The following RGMA variants were observed in gnomAD, a reference collection of about 807,000 sequenced individuals.
RGMA encodes repulsive guidance molecule A.
In RGMA, 10 loss-of-function variants were observed where a neutral mutation model predicts 23.2. The observed-to-expected ratio is 0.43, with a 90% confidence interval of 0.27 to 0.73. The LOEUF (loss-of-function observed/expected upper bound fraction) is 0.73, where lower values mean the gene tolerates loss of function less well. RGMA is among the 30% of genes least tolerant of loss of function. The pLI, the probability that RGMA is intolerant of heterozygous loss-of-function variation, is 0.20. For missense variants in RGMA, 547 were observed against 630.5 expected (o/e 0.87, Z 1.42); for synonymous variants, 308 against 279.3 (o/e 1.10, Z -1.03).
chr15:93,054,408 C>T (rs2141814829), intron 2 of RGMA, among the ~76,000 whole-genome samples: 1 of 152,194 alleles, frequency 6.6e-6, no homozygotes, highest in Non-Finnish European at 1.5e-5. Flanking sequence ...TAATAATCTC[C>T]ACGTGTCAAG....
intron 1 of RGMA, among the ~76,000 whole-genome samples, chr15:93,077,695 C>T (rs775160280): frequency 1.8e-4 from 27 of 152,196 alleles, no homozygotes; most frequent in Non-Finnish European, 3.5e-4. Flanking sequence ...GTAGTTGAGG[C>T]AGCATTTGAG....
At chr15:93,080,511 C>T (rs1041437700) in intron 1 of RGMA, among the ~76,000 whole-genome samples, 1 of 152,188 alleles carries the variant, frequency 6.6e-6, no homozygotes, top group Non-Finnish European at 1.5e-5. Flanking sequence ...TCCCAGCTGC[C>T]AGGCCACCTC....
At chr15:93,066,909 TA>T (rs1243362653) in intron 2 of RGMA, among the ~76,000 whole-genome samples, 1 of 152,252 alleles carries the variant, frequency 6.6e-6, no homozygotes, top group African/African-American at 2.4e-5. Flanking sequence ...TGCAACTGGC[TA>T]TGTGTGCAAT....
At chr15:93,074,514 G>A (rs1425557543) in intron 1 of RGMA, among the ~76,000 whole-genome samples, 1 of 152,218 alleles carries the variant, frequency 6.6e-6, no homozygotes, top group Non-Finnish European at 1.5e-5. Flanking sequence ...GCAACACGAA[G>A]CTGCTCTTCC....
At chr15:93,054,026 T>G (rs2054971564) in intron 2 of RGMA, among the ~76,000 whole-genome samples, 1 of 152,050 alleles carries the variant, frequency 6.6e-6, no homozygotes, top group African/African-American at 2.4e-5. Flanking sequence ...GGTCTGGAGC[T>G]CGAGACCAGC....
rs2054739268 is a variant in RGMA at position 93,042,650 on chromosome 15, C to A, written c.*2348G>T. 1 of 152,278 alleles carries A rather than the reference C, an allele frequency of 6.6e-6. No individual in the cohort carries two copies. The highest frequency in any genetic ancestry group is 1.5e-5 in the Non-Finnish European group (1 of 68,062). 9.4% of individuals were successfully genotyped at this position (152,278 alleles called of 1,614,324 possible). ...AACCTAGGTGCACAGGTTGTCCTTC[C>A]CGTTGCTAAGGAGCCCTAGGCAAGT... On this transcript the variant is annotated 3_prime_UTR_variant, in exon 4 of 4. Coordinates refer to ENST00000329082, the MANE Select transcript of RGMA (RefSeq NM_020211.3).
rs1369570595 is a variant in RGMA, at chr15:93,043,085, G to T, written c.*1913C>A. The T allele has an allele frequency of 2.6e-5, 4 of 152,306 alleles. No individual in the cohort carries two copies. In the East Asian group the frequency reaches 7.7e-4, roughly 29 times the overall value. 9.4% of individuals were successfully genotyped at this position (152,306 alleles called of 1,614,324 possible). A position where few individuals can be genotyped will look rare whatever the true frequency, so the allele number is the denominator to read the frequency against. On this transcript the variant is annotated 3_prime_UTR_variant, in exon 4 of 4. Coordinates refer to ENST00000329082, the MANE Select transcript of RGMA (RefSeq NM_020211.3). The stretch of plus-strand genomic sequence containing the variant: ...ACAGCTCATCGTGAGGAGGAAAAGT[G>T]ACTTTACAAAAGCAATGTGTGGTGG...
chr15:93,038,262 G>A lies in RGMA; in HGVS notation c.*6736C>T, dbSNP rs2054681357. On this transcript the variant is annotated 3_prime_UTR_variant, in exon 4 of 4. Coordinates refer to ENST00000329082, the MANE Select transcript of RGMA (RefSeq NM_020211.3). Reference sequence around the variant, plus strand: ...TCCTGGTTAGAGGGTTTGGGGGGCAGGGGTCTTCCCATTGCAGCAAGCTTC... The same window carrying A: ...TCCTGGTTAGAGGGTTTGGGGGGCAAGGGTCTTCCCATTGCAGCAAGCTTC... 6.6e-6 allele frequency: 1 copy of A among 152,264 alleles called. No individual in the cohort carries two copies. Among genetic ancestry groups the A allele is most frequent in the Non-Finnish European group, 1.5e-5 (1 of 68,086 alleles). 9.4% of individuals were successfully genotyped at this position (152,264 alleles called of 1,614,324 possible). A position where few individuals can be genotyped will look rare whatever the true frequency, so the allele number is the denominator to read the frequency against.
At chr15:93,060,009 A>C (rs1334073493) in intron 2 of RGMA, among the ~76,000 whole-genome samples, 1 of 152,236 alleles carries the variant, frequency 6.6e-6, no homozygotes, top group Non-Finnish European at 1.5e-5. Flanking sequence ...ACACAGAGCC[A>C]GCTGCCCCAC....
Position 93,038,630 on chromosome 15 carries a change from A to G in RGMA, c.*6368T>C, listed in dbSNP as rs1322745392. On this transcript the variant is annotated 3_prime_UTR_variant, in exon 4 of 4. Transcript: ENST00000329082. Reference sequence around the variant, plus strand: ...TCGCCCAGGCTGGAGGCTGGAGTGCAGTGGTGCGATCTCTGCTTGCTGCAA... The same window carrying G: ...TCGCCCAGGCTGGAGGCTGGAGTGCGGTGGTGCGATCTCTGCTTGCTGCAA... 1 of 140,078 alleles carries G rather than the reference A, an allele frequency of 7.1e-6. No individual in the cohort carries two copies. Among genetic ancestry groups the G allele is most frequent in the South Asian group, 2.2e-4 (1 of 4,488 alleles). The allele number at this position is 140,078 out of a possible 1,614,324, so 8.7% of individuals were successfully genotyped here.
At position 93,074,021 on chromosome 15, in the gene RGMA, G is replaced by T; in HGVS notation, c.15-990C>A. 9 of 1,378,576 alleles carry T rather than the reference G, an allele frequency of 6.5e-6. No homozygotes were observed. In the Middle Eastern group the frequency reaches 1.9e-3, roughly 290 times the overall value. The allele number at this position is 1,378,576 out of a possible 1,614,324, so 85.4% of individuals were successfully genotyped here. A position where few individuals can be genotyped will look rare whatever the true frequency, so the allele number is the denominator to read the frequency against. On this transcript the variant is annotated intron_variant, in intron 1 of 3. Transcript: ENST00000329082. ...CCTAACTCTGTCGCTTATTTTTCTG[G>T]GAAAGAAACATCTCCTTCCCAAGGT...
At position 93,041,167 on chromosome 15, in the gene RGMA, ACT is replaced by A. The variant is rs2054719258; in HGVS notation, c.*3829_*3830del. The A allele has an allele frequency of 7.8e-6, 1 of 127,976 alleles. No individual in the cohort carries two copies. Among genetic ancestry groups the A allele is most frequent in the African/African-American group, 3.0e-5 (1 of 33,798 alleles). The allele number at this position is 127,976 out of a possible 1,614,324, so 7.9% of individuals were successfully genotyped here. ...CCCCCCGTCTGCCCCCTTCATCGTGACTCTCATTCATTTGTTTTAAAGGCCAT... is the reference window on the plus strand; with the variant it reads ...CCCCCCGTCTGCCCCCTTCATCGTGACTCATTCATTTGTTTTAAAGGCCAT... On this transcript the variant is annotated 3_prime_UTR_variant, in exon 4 of 4. Transcript: ENST00000329082.
intron 2 of RGMA, among the ~76,000 whole-genome samples, chr15:93,071,796 A>G (rs1895332711): frequency 6.6e-6 from 1 of 152,216 alleles, no homozygotes; most frequent in Non-Finnish European, 1.5e-5. Flanking sequence ...CCTTTCTTGC[A>G]AAGCTCAGTA....
At position 93,045,697 on chromosome 15, in the gene RGMA, G is replaced by A. The variant is rs756910769; in HGVS notation, c.654C>T (p.Ile218=). The A allele has an allele frequency of 1.9e-6, 3 of 1,602,442 alleles. No individual in the cohort carries two copies. Among genetic ancestry groups the A allele is most frequent in the Admixed American group, 3.3e-5 (2 of 60,022 alleles). ...CACACTCCTGGAAGTTCTTGAAGATGATGGTGAGCTGCCGGGGAAAGGGGC... is the reference window on the plus strand; with the variant it reads ...CACACTCCTGGAAGTTCTTGAAGATAATGGTGAGCTGCCGGGGAAAGGGGC... ...SAATATSKLT[I]IFKNFQECVD... is the part of the protein sequence containing the mutation. Residue 218 remains isoleucine (I), a synonymous_variant, in exon 4 of 4, where the codon ATC becomes ATT. Transcript: ENST00000329082. The surrounding 1 kb of genome is among the most constrained non-coding windows in gnomAD (Gnocchi z 6.9).
At chr15:93,060,513 C>G (rs1386617871) in intron 2 of RGMA, among the ~76,000 whole-genome samples, 1 of 152,224 alleles carries the variant, frequency 6.6e-6, no homozygotes, top group Non-Finnish European at 1.5e-5. Flanking sequence ...GCAATGCCTA[C>G]AAGACAGAGT....
At chr15:93,048,773 G>T (rs78599970) in intron 3 of RGMA, among the ~76,000 whole-genome samples, 9,335 of 152,142 alleles carry the variant, frequency 0.061, 367 homozygotes, top group Non-Finnish European at 0.09. Context: ...CACCTCGGTG[G>T]GGAGGCCGCC....
At chr15:93,046,976 C>A (rs1208887743) in intron 3 of RGMA, among the ~76,000 whole-genome samples, 1 of 152,226 alleles carries the variant, frequency 6.6e-6, no homozygotes, top group Non-Finnish European at 1.5e-5. Flanking sequence ...GTATTACTTC[C>A]AGTCTCGTGT....
intron 2 of RGMA, among the ~76,000 whole-genome samples, chr15:93,068,573 T>C (rs1487819199): frequency 2.6e-5 from 4 of 152,186 alleles, no homozygotes; most frequent in Non-Finnish European, 5.9e-5. Flanking sequence ...ATCCTTTCCC[T>C]TTCTCCTCAA....
At chr15:93,088,283 T>C in intron 1 of RGMA, 1 of 980,128 alleles carries the variant, frequency 1.0e-6, no homozygotes, top group Non-Finnish European at 1.2e-6. Flanking sequence ...GCTTGTACCC[T>C]GGGTTGAGCT....
Sources: allele counts gnomAD v4.1 joint callset (sites outside exome capture counted in the v4.1 genomes callset), GRCh38; gene constraint gnomAD v4.1.1; non-coding constraint Gnocchi (gnomAD v3.1); transcripts MANE v1.5; gene names NCBI Gene and HGNC (gene_info 2026-07-23, HGNC 2026-07-21).